LY6S: variants seen among roughly 807,000 people sequenced by gnomAD.
LY6S encodes lymphocyte antigen 6 family member S.
chr8:143,066,186 C>CTTTTCTTTT, the LY6S span: 6 of 85,940 alleles, frequency 7.0e-5, no homozygotes, highest in Admixed American at 1.1e-3. Flanking sequence ...TCTTTTCTTT[C>CTTTTCTTTT]AAGATGGGGT....
At chr8:143,048,180 C>G in the LY6S span, among the ~76,000 whole-genome samples, 1 of 152,274 alleles carries the variant, frequency 6.6e-6, no homozygotes, top group South Asian at 2.1e-4. Flanking sequence ...GCTGGTTTGC[C>G]CAGGGCTGTT....
At chr8:143,072,615 C>G in the LY6S span, among the ~76,000 whole-genome samples, 1 of 107,276 alleles carries the variant, frequency 9.3e-6, no homozygotes, top group Admixed American at 9.1e-5. Context: ...AGCCGTCGTC[C>G]TCGGGGTTCC....
the LY6S span, among the ~76,000 whole-genome samples, chr8:143,065,744 CTCTT>C: frequency 3.3e-3 from 341 of 103,588 alleles, 1 homozygote; most frequent in African/African-American, 9.8e-3. Flanking sequence ...CTCTTTCTTT[CTCTT>C]TCTTTCTTTC....
chr8:143,055,192 GTTT>G, the LY6S span, among the ~76,000 whole-genome samples: 1 of 150,356 alleles, frequency 6.7e-6, no homozygotes, highest in East Asian at 1.9e-4. Context: ...GACCAACTTT[GTTT>G]TTTTTTTTTG....
the LY6S span, among the ~76,000 whole-genome samples, chr8:143,060,521 G>T: frequency 2.0e-5 from 3 of 152,166 alleles, no homozygotes; most frequent in Non-Finnish European, 4.4e-5. Context: ...CTCCGCCTCG[G>T]CTACCAAATA....
the LY6S span, among the ~76,000 whole-genome samples, chr8:143,062,325 A>C: frequency 6.6e-6 from 1 of 152,196 alleles, no homozygotes; most frequent in Non-Finnish European, 1.5e-5. Context: ...AATGTTCAAA[A>C]TGAAACCTAA....
At chr8:143,041,818 C>T in the LY6S span, among the ~76,000 whole-genome samples, 8 of 152,234 alleles carry the variant, frequency 5.3e-5, no homozygotes, top group Admixed American at 2.0e-4. Context: ...TGACAATAGC[C>T]GTCCACCCAG....
At chr8:143,044,906 T>A in the LY6S span, 1 of 1,156,814 alleles carries the variant, frequency 8.6e-7, no homozygotes, top group Non-Finnish European at 1.1e-6. Context: ...ACCACCACCC[T>A]TGTCCCAACC....
At chr8:143,050,435 C>G in the LY6S span, among the ~76,000 whole-genome samples, 1 of 152,060 alleles carries the variant, frequency 6.6e-6, no homozygotes, top group Non-Finnish European at 1.5e-5. Context: ...CCCGTCTCAG[C>G]CTCCTAAAGT....
At chr8:143,072,306 G>A in the LY6S span, among the ~76,000 whole-genome samples, 4 of 142,236 alleles carry the variant, frequency 2.8e-5, no homozygotes, top group Admixed American at 7.1e-5. Flanking sequence ...GACAGCCGTC[G>A]TCCCCGGGGC....
the LY6S span, chr8:143,057,915 C>A: frequency 5.1e-6 from 3 of 591,280 alleles, no homozygotes; most frequent in Non-Finnish European, 9.2e-6. Flanking sequence ...CAGAGGGATG[C>A]GGCCCACGGT....
At chr8:143,073,671 C>T in the LY6S span, among the ~76,000 whole-genome samples, 20 of 135,450 alleles carry the variant, frequency 1.5e-4, 1 homozygote, top group African/African-American at 2.8e-4. Context: ...CCATCATCCT[C>T]GGGGTTCCTG....
At chr8:143,068,606 T>C in the LY6S span, among the ~76,000 whole-genome samples, 1 of 152,188 alleles carries the variant, frequency 6.6e-6, no homozygotes, top group Non-Finnish European at 1.5e-5. Flanking sequence ...GTCTTAGGTA[T>C]TTCTTTACAA....
At chr8:143,047,527 G>A in the LY6S span, among the ~76,000 whole-genome samples, 2 of 152,124 alleles carry the variant, frequency 1.3e-5, no homozygotes, top group South Asian at 2.1e-4. Context: ...CGTGGCCACT[G>A]TACAGTCAAC....
At chr8:143,053,568 A>G in the LY6S span, 4 of 152,182 alleles carry the variant, frequency 2.6e-5, no homozygotes, top group Admixed American at 6.5e-5. Flanking sequence ...AGCAGCCCCA[A>G]CCGTCAATAC....
chr8:143,061,280 T>G, the LY6S span, among the ~76,000 whole-genome samples: 2 of 149,790 alleles, frequency 1.3e-5, no homozygotes, highest in Non-Finnish European at 3.0e-5. Flanking sequence ...AAAAAATCAC[T>G]GAATGAAAAG....
At chr8:143,041,310 G>A in the LY6S span, among the ~76,000 whole-genome samples, 1 of 152,144 alleles carries the variant, frequency 6.6e-6, no homozygotes, top group South Asian at 2.1e-4. Flanking sequence ...TCTTTCTCAG[G>A]GATGTTCCTT....
chr8:143,072,815 C>T, the LY6S span, among the ~76,000 whole-genome samples: 1 of 142,368 alleles, frequency 7.0e-6, no homozygotes, highest in African/African-American at 2.6e-5. Flanking sequence ...AGACAGCCGT[C>T]GTCCTCGGGA....
At chr8:143,072,218 T>TCAGG in the LY6S span, among the ~76,000 whole-genome samples, 18 of 151,604 alleles carry the variant, frequency 1.2e-4, no homozygotes, top group African/African-American at 4.4e-4. Flanking sequence ...TGGGGGTTCC[T>TCAGG]GTTTGAGGAG....
Sources: allele counts gnomAD v4.1 joint callset (sites outside exome capture counted in the v4.1 genomes callset), GRCh38; gene constraint gnomAD v4.1.1; transcripts MANE v1.5; gene names NCBI Gene and HGNC (gene_info 2026-07-23, HGNC 2026-07-21).